Variants in OR2L13 observed in about 807,000 individuals in gnomAD.
OR2L13 encodes the protein olfactory receptor 2L13.
OR2L13 carries 14 observed loss-of-function variants against 15.3 expected under a neutral mutation model. That is an observed-to-expected ratio of 0.91 (90% confidence interval 0.60 to 1.43). OR2L13 has a LOEUF of 1.43. Ranked by LOEUF, OR2L13 falls within the 40% of genes most tolerant of loss-of-function variation. OR2L13 has a pLI of 0.00. For missense variants in OR2L13, 367 were observed against 387.9 expected, an observed-to-expected ratio of 0.95 and a Z score of 0.45; for synonymous variants, 152 against 142.9, an observed-to-expected ratio of 1.06 and a Z score of -0.45.
chr1:248,023,447 A>G, the OR2L13 span: 5 of 152,416 alleles, frequency 3.3e-5, no homozygotes, highest in African/African-American at 4.8e-5. Flanking sequence ...TTTACCTTCT[A>G]TAGAACCTCT....
the OR2L13 span, among the ~76,000 whole-genome samples, chr1:248,076,410 G>C: frequency 6.6e-6 from 1 of 152,130 alleles, no homozygotes; most frequent in South Asian, 2.1e-4. Flanking sequence ...GATGGGGATG[G>C]CATTGAATGT....
chr1:248,026,623 C>A, the OR2L13 span, among the ~76,000 whole-genome samples: 2 of 152,164 alleles, frequency 1.3e-5, no homozygotes, highest in African/African-American at 4.8e-5. Flanking sequence ...GAGGGACCGG[C>A]TGAAGCCATG....
the OR2L13 span, among the ~76,000 whole-genome samples, chr1:248,000,085 C>T: frequency 6.8e-6 from 1 of 147,716 alleles, no homozygotes; most frequent in African/African-American, 2.6e-5. Flanking sequence ...GTGCCCCTGC[C>T]TTCCTAGCTT....
chr1:248,089,579 T>C, the OR2L13 span, among the ~76,000 whole-genome samples: 1 of 152,246 alleles, frequency 6.6e-6, no homozygotes, highest in South Asian at 2.1e-4. Context: ...AGCAACTTCA[T>C]AAGCAAGAAG....
At chr1:248,031,936 A>G in the OR2L13 span, among the ~76,000 whole-genome samples, 18 of 152,288 alleles carry the variant, frequency 1.2e-4, no homozygotes, top group East Asian at 3.5e-3. Flanking sequence ...TAAAAGTAGG[A>G]TAATAACTCT....
upstream of OR2L13, among the ~76,000 whole-genome samples, chr1:248,096,121 G>T (rs1664733152): frequency 6.6e-6 from 1 of 152,036 alleles, no homozygotes; most frequent in East Asian, 2.0e-4. Flanking sequence ...GCTCATGCCT[G>T]TAATCCCAGC....
chr1:248,085,436 T>TAAATAAAATAAAATAAAATAATAA, the OR2L13 span, among the ~76,000 whole-genome samples: 1 of 84,552 alleles, frequency 1.2e-5, no homozygotes, highest in African/African-American at 4.5e-5. Flanking sequence ...TAAAATAAAA[T>TAAATAAAATAAAATAAAATAATAA]AATAAAATAA....
At chr1:248,072,745 A>G in the OR2L13 span, among the ~76,000 whole-genome samples, 1 of 152,158 alleles carries the variant, frequency 6.6e-6, no homozygotes, top group African/African-American at 2.4e-5. Flanking sequence ...AAGGGCTAAT[A>G]TCCAGAACCT....
At chr1:248,027,331 A>G in the OR2L13 span, among the ~76,000 whole-genome samples, 2 of 152,060 alleles carry the variant, frequency 1.3e-5, no homozygotes, top group Admixed American at 1.3e-4. Context: ...TGTGCCCAAA[A>G]CTTCATTAGC....
At chr1:248,099,296 T>C in intron 2 of OR2L13, 62 bp from the exon 3 acceptor site, 4 of 978,902 alleles carry the variant, frequency 4.1e-6, no homozygotes, top group Admixed American at 2.3e-5. Flanking sequence ...CCTTTTTGTT[T>C]TTCTATTGTG....
the OR2L13 span, chr1:247,991,262 C>T: frequency 3.9e-4 from 456 of 1,166,828 alleles, 17 homozygotes; most frequent in Non-Finnish European, 5.0e-4. Flanking sequence ...CAGCAGTGTA[C>T]GGCGGTTAAG....
chr1:247,988,955 A>G, the OR2L13 span, among the ~76,000 whole-genome samples: 1 of 152,214 alleles, frequency 6.6e-6, no homozygotes, highest in African/African-American at 2.4e-5. Context: ...TGAAGGATCC[A>G]CAAAGTCTAT....
the OR2L13 span, chr1:248,040,717 T>G: frequency 3.9e-5 from 6 of 152,208 alleles, no homozygotes; most frequent in South Asian, 2.1e-4. Flanking sequence ...TTATGTTATT[T>G]GTAAGGCTTG....
chr1:247,942,953 C>G, the OR2L13 span, among the ~76,000 whole-genome samples: 1 of 151,484 alleles, frequency 6.6e-6, no homozygotes, highest in Non-Finnish European at 1.5e-5. Flanking sequence ...CTGGGTACTT[C>G]GTGTAGGCGA....
the OR2L13 span, chr1:247,991,297 T>G: frequency 1.3e-6 from 1 of 762,800 alleles, no homozygotes; most frequent in Non-Finnish European, 2.1e-6. Context: ...ATGCCCAGTA[T>G]GTCAAACGGA....
chr1:247,965,218 C>A, the OR2L13 span: 1 of 848,518 alleles, frequency 1.2e-6, no homozygotes. Flanking sequence ...CCATTTTGTA[C>A]CAGAAAGCAC....
the OR2L13 span, among the ~76,000 whole-genome samples, chr1:248,048,053 A>G: frequency 1.3e-5 from 2 of 152,198 alleles, no homozygotes; most frequent in Non-Finnish European, 2.9e-5. Context: ...TACAGCGTGA[A>G]GCAGAGTAAG....
chr1:248,068,808 C>T, the OR2L13 span, among the ~76,000 whole-genome samples: 66 of 151,932 alleles, frequency 4.3e-4, 1 homozygote, highest in African/African-American at 1.3e-3. Flanking sequence ...AGCCAAGGCT[C>T]GAGAACTACA....
At chr1:248,083,723 C>A in the OR2L13 span, 13 of 1,613,326 alleles carry the variant, frequency 8.1e-6, no homozygotes, top group African/African-American at 8.0e-5. Context: ...CCTCACTGTT[C>A]CTCACACTGT....
Sources: allele counts gnomAD v4.1 joint callset (sites outside exome capture counted in the v4.1 genomes callset), GRCh38; gene constraint gnomAD v4.1.1; transcripts MANE v1.5; gene names NCBI Gene and HGNC (gene_info 2026-07-23, HGNC 2026-07-21).